Variants in MTERF4 observed in about 807,000 individuals in gnomAD.
MTERF4 encodes transcription termination factor 4, mitochondrial.
MTERF4 carries 17 observed loss-of-function variants against 22.5 expected under a neutral mutation model. The observed-to-expected ratio is 0.75, with a 90% confidence interval of 0.52 to 1.13. The LOEUF (loss-of-function observed/expected upper bound fraction) is 1.13. Ranked by LOEUF, MTERF4 falls within the 50% of genes most tolerant of loss-of-function variation. MTERF4 has a pLI of 0.00. For missense variants in MTERF4, 420 were observed against 466.8 expected (o/e 0.90, Z 0.92); for synonymous variants, 165 against 175.3 (o/e 0.94, Z 0.47).
rs955784342 is a variant in MTERF4, at chr2:241,096,953, A to G, written c.705+290T>C. The G allele has an allele frequency of 2.4e-5, 14 of 585,870 alleles. No individual in the cohort carries two copies. Among genetic ancestry groups the G allele is most frequent in the Non-Finnish European group, 3.9e-5 (13 of 333,240 alleles). The allele number at this position is 585,870 out of a possible 1,614,324, so 36.3% of individuals were successfully genotyped here. On this transcript the variant is annotated intron_variant, in intron 3 of 3. Coordinates refer to ENST00000391980, the MANE Select transcript of MTERF4 (RefSeq NM_182501.4). This position sits in a 1 kb window ranked among gnomAD's most constrained non-coding sequence, Gnocchi z 5.1. ...TAAGAATAGGACTGGATCATTCATT[A>G]TTAATGGCAGAAAAGTTGAAGAATA...
At chr2:241,063,772 T>C in the MTERF4 span, 1 of 1,114,946 alleles carries the variant, frequency 9.0e-7, no homozygotes, top group South Asian at 1.4e-5. Context: ...AGGTGGGGCA[T>C]CCCCACATTC....
downstream of MTERF4, chr2:241,067,665 G>A (rs549215757): frequency 1.9e-5 from 18 of 962,048 alleles, no homozygotes; most frequent in East Asian, 3.9e-4. Context: ...CCTCTCTGTG[G>A]CCCCCAGCAC....
At chr2:241,067,156 C>T in the MTERF4 span, among the ~76,000 whole-genome samples, 2 of 152,192 alleles carry the variant, frequency 1.3e-5, no homozygotes, top group African/African-American at 2.4e-5. Flanking sequence ...TCCAGCCAGC[C>T]ATGGTGGGTG....
At chr2:241,070,247 G>C (rs766947288), downstream of MTERF4, 165 of 1,549,780 alleles carry the variant, frequency 1.1e-4, no homozygotes, top group Non-Finnish European at 1.4e-4. Context: ...GTGTTTGCCA[G>C]CCCTCCACCC....
the MTERF4 span, chr2:241,050,033 T>A: frequency 2.5e-6 from 2 of 784,948 alleles, no homozygotes; most frequent in Non-Finnish European, 4.4e-6. Flanking sequence ...GTTTCGCGAA[T>A]TGCTGACCTC....
the MTERF4 span, among the ~76,000 whole-genome samples, chr2:241,066,461 C>G: frequency 6.6e-6 from 1 of 152,178 alleles, no homozygotes; most frequent in South Asian, 2.1e-4. Flanking sequence ...GATCTCGGAA[C>G]AGGCTGGGCA....
At chr2:241,069,114 G>A (rs556022234), downstream of MTERF4, 209 of 839,452 alleles carry the variant, frequency 2.5e-4, no homozygotes, top group African/African-American at 2.1e-3. This position sits in a 1 kb window ranked among gnomAD's most constrained non-coding sequence, Gnocchi z 4.9. Context: ...TCTCCAAAGC[G>A]TCCACAACAC....
chr2:241,052,144 G>A, the MTERF4 span: 1 of 1,613,488 alleles, frequency 6.2e-7, no homozygotes, highest in African/African-American at 1.3e-5. Context: ...TCTCCGGGCG[G>A]CACTGCGAGA....
downstream of MTERF4, chr2:241,071,590 G>T (rs761370688): frequency 1.3e-6 from 2 of 1,586,798 alleles, no homozygotes; most frequent in Admixed American, 1.7e-5. Context: ...CAGGGATGGC[G>T]CTGACAGACG....
At chr2:241,089,979 C>T (rs1288524415), downstream of MTERF4, 1 of 1,547,984 alleles carries the variant, frequency 6.5e-7, no homozygotes, top group Non-Finnish European at 8.7e-7. Context: ...AAATGGTATA[C>T]CTGGGCAGGG....
At chr2:241,058,543 A>G in the MTERF4 span, among the ~76,000 whole-genome samples, 2 of 152,258 alleles carry the variant, frequency 1.3e-5, no homozygotes, top group Non-Finnish European at 2.9e-5. Flanking sequence ...TATAGATTAC[A>G]ACAAAATTAA....
intron 2 of MTERF4, chr2:241,099,036 G>T (rs10177477): frequency 0.013 from 2,531 of 197,430 alleles, 63 homozygotes; most frequent in African/African-American, 0.057. Context: ...TCTCACCTTA[G>T]GCTGCTCTTT....
Position 241,097,312 on chromosome 2 carries a change from G to A in MTERF4, c.636C>T (p.Val212=). 1 of 1,614,200 alleles carries A rather than the reference G, an allele frequency of 6.2e-7. No homozygotes were observed. Among genetic ancestry groups the A allele is most frequent in the South Asian group, 1.1e-5 (1 of 91,076 alleles). ...AGGGGCAACTGTGCAAAATCTTGGT[G>A]ACTTGCTGTACCGTGAAAAGGCACT... The part of the protein sequence containing the change: ...KEKCLFTVQQ[V]TKILHSCPSV... The change falls in exon 3 of 4, where the codon GTC becomes GTT. Residue 212 remains valine, a synonymous_variant. Coordinates refer to ENST00000391980, the MANE Select transcript of MTERF4 (RefSeq NM_182501.4).
At chr2:241,052,443 G>A in the MTERF4 span, 2 of 1,610,224 alleles carry the variant, frequency 1.2e-6, no homozygotes, top group African/African-American at 1.3e-5. Context: ...GCCAAGCAGG[G>A]TACATGGGAC....
chr2:241,089,732 T>C (rs181120865), downstream of MTERF4, among the ~76,000 whole-genome samples: 1 of 152,368 alleles, frequency 6.6e-6, no homozygotes, highest in Admixed American at 6.5e-5. Context: ...ACAATGGAGA[T>C]GCATTCTGAG....
At chr2:241,042,940 G>A in the MTERF4 span, among the ~76,000 whole-genome samples, 91 of 152,002 alleles carry the variant, frequency 6.0e-4, no homozygotes, top group Admixed American at 9.8e-4. Context: ...CAAGCAGCCT[G>A]GGATCCACGT....
At chr2:241,057,305 G>A in the MTERF4 span, among the ~76,000 whole-genome samples, 1 of 150,720 alleles carries the variant, frequency 6.6e-6, no homozygotes, top group Non-Finnish European at 1.5e-5. Flanking sequence ...CTTGAACCTC[G>A]GAGGCGGAGG....
At chr2:241,085,829 C>CT (rs1192373432), downstream of MTERF4, among the ~76,000 whole-genome samples, 1 of 145,884 alleles carries the variant, frequency 6.9e-6, no homozygotes, top group Admixed American at 6.8e-5. Context: ...TAATTTTGCC[C>CT]TAGTTCTATG....
At chr2:241,049,704 G>T in the MTERF4 span, 9 of 727,146 alleles carry the variant, frequency 1.2e-5, no homozygotes, top group African/African-American at 1.4e-4. Flanking sequence ...CAGTGGCCTT[G>T]GTTCCAGACA....
Sources: gnomAD v4.1 joint callset for allele counts (sites outside exome capture counted in the v4.1 genomes callset) on GRCh38, gnomAD v4.1.1 for gene constraint, Gnocchi (gnomAD v3.1) non-coding constraint, MANE v1.5 for transcripts, NCBI Gene and HGNC (gene_info 2026-07-23, HGNC 2026-07-21) for gene names.